The following PRKAR2A variants were observed in gnomAD, a reference collection of about 807,000 sequenced individuals.
PRKAR2A encodes cAMP-dependent protein kinase type II-alpha regulatory subunit.
PRKAR2A carries 29 observed loss-of-function variants against 51.9 expected under a neutral mutation model. The ratio of observed to expected loss-of-function variants is 0.56; its 90% CI spans 0.42 to 0.76. PRKAR2A has a LOEUF of 0.76. PRKAR2A is among the 30% of genes least tolerant of loss of function. PRKAR2A has a pLI of 0.00. For synonymous variants in PRKAR2A, 178 were observed against 186.2 expected (o/e 0.96, Z 0.36); for missense variants, 445 against 512.1 (o/e 0.87, Z 1.26).
At chr3:48,836,897 G>A (rs1005918794) in intron 1 of PRKAR2A, among the ~76,000 whole-genome samples, 1 of 151,966 alleles carries the variant, frequency 6.6e-6, no homozygotes, top group African/African-American at 2.4e-5. Flanking sequence ...TTTGGGAGAT[G>A]AGGCGAGCAA....
At chr3:48,829,847 G>GTGTACATATATA in intron 1 of PRKAR2A, among the ~76,000 whole-genome samples, 1 of 63,758 alleles carries the variant, frequency 1.6e-5, no homozygotes, top group Admixed American at 2.0e-4. Flanking sequence ...ATGCGTGTGT[G>GTGTACATATATA]TATATATATA....
intron 1 of PRKAR2A, among the ~76,000 whole-genome samples, chr3:48,829,584 GTGTATA>G (rs1421157613): frequency 3.2e-5 from 1 of 31,732 alleles, no homozygotes; most frequent in Non-Finnish European, 4.7e-5. Flanking sequence ...ATATATATGT[GTGTATA>G]TATACACACA....
intron 4 of PRKAR2A, among the ~76,000 whole-genome samples, chr3:48,784,097 TA>T (rs1323073747): frequency 1.3e-5 from 2 of 152,146 alleles, no homozygotes; most frequent in African/African-American, 4.8e-5. Context: ...ACTATGTCAA[TA>T]AGTATAATGA....
At chr3:48,766,941 T>C (rs924449219) in intron 6 of PRKAR2A, among the ~76,000 whole-genome samples, 2 of 152,156 alleles carry the variant, frequency 1.3e-5, no homozygotes, top group South Asian at 2.1e-4. Context: ...GCCTCCCAAG[T>C]AGCTGGGACT....
intron 6 of PRKAR2A, among the ~76,000 whole-genome samples, chr3:48,768,696 A>T (rs1055656793): frequency 2.6e-5 from 4 of 151,808 alleles, no homozygotes; most frequent in Non-Finnish European, 5.9e-5. Flanking sequence ...TCCGTCTCAA[A>T]ATAAATAAAT....
At chr3:48,829,271 C>T (rs542766977) in intron 1 of PRKAR2A, among the ~76,000 whole-genome samples, 11 of 151,602 alleles carry the variant, frequency 7.3e-5, no homozygotes, top group Non-Finnish European at 1.6e-4. Flanking sequence ...GTAATCCCAG[C>T]GCTTTGGGAG....
chr3:48,794,277 AGG>A (rs2082453021), intron 2 of PRKAR2A, among the ~76,000 whole-genome samples: 1 of 150,078 alleles, frequency 6.7e-6, no homozygotes, highest in South Asian at 2.1e-4. Context: ...TCAGCCTCCC[AGG>A]TAGCTGGGAT....
In PRKAR2A at chr3:48,750,216, C is replaced by T. The variant is rs1029682696; in HGVS notation, c.*1369G>A. On this transcript the variant is annotated 3_prime_UTR_variant, in exon 11 of 11. Coordinates refer to ENST00000265563, the MANE Select transcript of PRKAR2A (RefSeq NM_004157.4). ...CTGTCTCTATTAAAAATACAAAATT[C>T]GCCCGGCATGGTGGCGCATGCCTGT... is the stretch of plus-strand genomic sequence containing the variant. 3 of 151,940 alleles carry T rather than the reference C, an allele frequency of 2.0e-5. No individual in the cohort carries two copies. The highest frequency in any genetic ancestry group is 7.3e-5 in the African/African-American group (3 of 41,378). 9.4% of individuals were successfully genotyped at this position (151,940 alleles called of 1,614,324 possible).
At chr3:48,773,223 T>G (rs2082054104) in intron 5 of PRKAR2A, 115 bp from the exon 6 acceptor site, 1 of 798,248 alleles carries the variant, frequency 1.3e-6, no homozygotes, top group Non-Finnish European at 1.9e-6. Flanking sequence ...GGAACTTTGC[T>G]AGTATATAAA....
intron 1 of PRKAR2A, among the ~76,000 whole-genome samples, chr3:48,819,047 G>C (rs2082917900): frequency 6.6e-6 from 1 of 151,468 alleles, no homozygotes; most frequent in Non-Finnish European, 1.5e-5. Context: ...TTGTTGCCCA[G>C]GCTGGAGTGC....
chr3:48,844,479 A>G (rs1328571304), intron 1 of PRKAR2A, among the ~76,000 whole-genome samples: 1 of 150,304 alleles, frequency 6.7e-6, no homozygotes, highest in Non-Finnish European at 1.5e-5. Flanking sequence ...CAGCCATCCC[A>G]TTACTGGGTA....
intron 1 of PRKAR2A, among the ~76,000 whole-genome samples, chr3:48,812,280 T>C (rs1463731639): frequency 1.3e-5 from 2 of 152,116 alleles, no homozygotes. Flanking sequence ...ATTTACTATA[T>C]GCTAGACATT....
At chr3:48,785,258 A>ATTTTTTTTTTTT (rs1198962303) in intron 4 of PRKAR2A, among the ~76,000 whole-genome samples, 2 of 123,894 alleles carry the variant, frequency 1.6e-5, no homozygotes, top group African/African-American at 6.0e-5. Flanking sequence ...GGCCTGGATA[A>ATTTTTTTTTTTT]TTTTTTTTTT....
In PRKAR2A at chr3:48,752,222, T is replaced by G. The variant is rs1234060932; in HGVS notation, c.1035A>C (p.Lys345Asn). 6.2e-7 allele frequency: 1 copy of G among 1,614,238 alleles called. No homozygotes were observed. The highest frequency in any genetic ancestry group is 1.1e-5 in the South Asian group (1 of 91,088). ...YFGELALVTN[K>N]PRAASAYAVG... ...CTGCATAAGCTGAGGCAGCTCTGGG[T>G]TTGTTGGTGACCAGGGCAAGCTCTC... The change falls in exon 10 of 11, where the codon AAA becomes AAC. Residue 345 changes from lysine (K) to asparagine (N), a missense_variant. By Grantham distance (94) the Lys-to-Asn change is moderately conservative. Coordinates refer to ENST00000265563, the MANE Select transcript of PRKAR2A (RefSeq NM_004157.4).
intron 6 of PRKAR2A, among the ~76,000 whole-genome samples, chr3:48,771,224 T>C (rs994732468): frequency 5.9e-5 from 9 of 152,008 alleles, no homozygotes; most frequent in Non-Finnish European, 2.9e-5. Context: ...AATGTGTTAT[T>C]TGGCTGGGCA....
At chr3:48,811,750 A>C (rs1279016340) in intron 1 of PRKAR2A, among the ~76,000 whole-genome samples, 1 of 152,180 alleles carries the variant, frequency 6.6e-6, no homozygotes, top group Non-Finnish European at 1.5e-5. Context: ...TAACATTGTG[A>C]ATGCGCTAAA....
chr3:48,769,502 G>A (rs1293262421), intron 6 of PRKAR2A, among the ~76,000 whole-genome samples: 1 of 150,856 alleles, frequency 6.6e-6, no homozygotes, highest in Non-Finnish European at 1.5e-5. Context: ...TTGAGATGGA[G>A]TTTCGTTCTT....
chr3:48,842,141 T>C (rs958289844), intron 1 of PRKAR2A, among the ~76,000 whole-genome samples: 6 of 152,168 alleles, frequency 3.9e-5, no homozygotes, highest in African/African-American at 9.7e-5. Context: ...CCCTTGTAAG[T>C]TGGATTCCTA....
intron 1 of PRKAR2A, among the ~76,000 whole-genome samples, chr3:48,837,286 A>T (rs1329137869): frequency 6.6e-6 from 1 of 152,196 alleles, no homozygotes; most frequent in Non-Finnish European, 1.5e-5. Context: ...CCAGGGCAAC[A>T]GAGTGACACC....
Sources: gnomAD v4.1 joint callset for allele counts (sites outside exome capture counted in the v4.1 genomes callset) on GRCh38, gnomAD v4.1.1 for gene constraint, MANE v1.5 for transcripts, NCBI Gene and HGNC (gene_info 2026-07-23, HGNC 2026-07-21) for gene names.